The following TGIF1 variants were observed in gnomAD, a reference collection of about 807,000 sequenced individuals.
The protein encoded by TGIF1 is TGFB induced factor homeobox 1.
A neutral mutation model predicts 19.3 loss-of-function variants in TGIF1; 4 were observed. The observed-to-expected ratio is 0.21, with a 90% CI of 0.10 to 0.47. TGIF1 has a LOEUF of 0.47. TGIF1 is among the 20% of genes least tolerant of loss of function. The pLI is 0.98. For missense variants in TGIF1, 275 were observed against 341.4 expected, an observed-to-expected ratio of 0.81 and a Z score of 1.53; for synonymous variants, 122 against 129.3, an observed-to-expected ratio of 0.94 and a Z score of 0.38.
upstream of TGIF1, among the ~76,000 whole-genome samples, chr18:3,445,651 G>A (rs368533480): frequency 1.4e-5 from 2 of 143,452 alleles, no homozygotes; most frequent in South Asian, 2.3e-4. Flanking sequence ...GTGAACCCAG[G>A]AGGCAGAGCT....
At chr18:3,448,334 C>A (rs2082786591), upstream of TGIF1, 1 of 985,414 alleles carries the variant, frequency 1.0e-6, no homozygotes, top group Non-Finnish European at 1.2e-6. Context: ...CACAGACAAC[C>A]CTTCAAACGA....
intron 2 of TGIF1, among the ~76,000 whole-genome samples, chr18:3,428,795 A>G (rs1231127233): frequency 2.0e-5 from 3 of 152,082 alleles, no homozygotes; most frequent in Non-Finnish European, 4.4e-5. Flanking sequence ...AGATCCTAGC[A>G]CTTTGGGAGG....
intron 2 of TGIF1, among the ~76,000 whole-genome samples, chr18:3,441,807 ATATTC>A (rs1354790682): frequency 2.0e-5 from 3 of 152,336 alleles, no homozygotes; most frequent in Non-Finnish European, 2.9e-5. Flanking sequence ...AATCCCCATT[ATATTC>A]TAATCTGCCT....
chr18:3,450,944 T>C (rs1012294146), intron 1 of TGIF1, among the ~76,000 whole-genome samples: 1 of 151,980 alleles, frequency 6.6e-6, no homozygotes, highest in Non-Finnish European at 1.5e-5. Flanking sequence ...CGGCTTTGTC[T>C]GAAAGTTCCA....
chr18:3,435,764 T>C (rs956511728), intron 2 of TGIF1, among the ~76,000 whole-genome samples: 1 of 152,210 alleles, frequency 6.6e-6, no homozygotes, highest in African/African-American at 2.4e-5. Flanking sequence ...AAACTTTGCA[T>C]ATGCATTGAT....
chr18:3,449,983 AC>A (rs2082847293), upstream of TGIF1: 4 of 987,668 alleles, frequency 4.0e-6, no homozygotes, highest in Non-Finnish European at 4.8e-6. Context: ...GTGTTTCTGG[AC>A]CCGGCCACCC....
chr18:3,416,719 G>A (rs372958982), intron 1 of TGIF1, among the ~76,000 whole-genome samples: 6 of 152,148 alleles, frequency 3.9e-5, no homozygotes, highest in African/African-American at 1.4e-4. Flanking sequence ...ATAACCTGAG[G>A]TCAGGAGTTC....
intron 2 of TGIF1, among the ~76,000 whole-genome samples, chr18:3,430,414 T>G (rs1412666833): frequency 2.0e-5 from 3 of 152,226 alleles, no homozygotes; most frequent in African/African-American, 7.2e-5. Flanking sequence ...ATGTTACTTA[T>G]ATTAACGTGT....
chr18:3,419,169 A>G (rs2082369320), intron 2 of TGIF1, among the ~76,000 whole-genome samples: 1 of 152,250 alleles, frequency 6.6e-6, no homozygotes, highest in Admixed American at 6.5e-5. Flanking sequence ...AATTCATATA[A>G]GATTAAAGCA....
intron 2 of TGIF1, among the ~76,000 whole-genome samples, chr18:3,425,192 A>G (rs2082450786): frequency 6.6e-6 from 1 of 152,236 alleles, no homozygotes; most frequent in African/African-American, 2.4e-5. Context: ...TGCCTTTGCA[A>G]AATTATGACA....
In TGIF1 at chr18:3,426,564, T is replaced by TAA. The variant is rs200730311; in HGVS notation, c.-45+8350_-45+8351dup. On this transcript the variant is annotated intron_variant, in intron 2 of 3. Transcript: ENST00000401449. ...TAGCTGTACAGATAACCTATGGGCCTAATATATGTCTGTCTTCCATATTTG... is the reference window on the plus strand; with the variant it reads ...TAGCTGTACAGATAACCTATGGGCCTAAAATATATGTCTGTCTTCCATATTTG... Among the ~76,000 whole-genome samples, 434 of 152,270 alleles carry TAA rather than the reference T, an allele frequency of 2.9e-3. 10 individuals are homozygous for TAA. Among genetic ancestry groups the TAA allele is most frequent in the Admixed American group, 0.025 (388 of 15,284 alleles).
chr18:3,450,027 G>A, upstream of TGIF1: 4 of 992,910 alleles, frequency 4.0e-6, no homozygotes, highest in Non-Finnish European at 4.8e-6. Context: ...CGAGGGACGA[G>A]TGACAGCGGC....
intron 2 of TGIF1, among the ~76,000 whole-genome samples, chr18:3,423,755 T>C (rs990738870): frequency 1.3e-5 from 2 of 151,920 alleles, no homozygotes; most frequent in Non-Finnish European, 2.9e-5. Context: ...CTCGGGAGAC[T>C]AAGGCAGGAG....
upstream of TGIF1, among the ~76,000 whole-genome samples, chr18:3,447,216 C>T (rs2082759327): frequency 6.6e-6 from 1 of 151,874 alleles, no homozygotes; most frequent in African/African-American, 2.4e-5. Flanking sequence ...TGGTGAAAAA[C>T]GTTTATCAGT....
rs1167515319 is a variant in TGIF1 at position 3,450,235 on chromosome 18, A to T, written c.-255A>T. On this transcript the variant is annotated 5_prime_UTR_variant, in exon 1 of 3. Coordinates refer to ENST00000343820, the MANE Select transcript of TGIF1 (RefSeq NM_003244.4). Reference sequence around the variant, plus strand: ...AACAAAGGAGCGGAGAGGGGAGGGGAGAGAGTTGGGCGAGGGAGAGCCCCC... The same window carrying T: ...AACAAAGGAGCGGAGAGGGGAGGGGTGAGAGTTGGGCGAGGGAGAGCCCCC... 9 of 1,416,904 alleles carry T rather than the reference A, an allele frequency of 6.4e-6. No individual in the cohort carries two copies. The highest frequency in any genetic ancestry group is 8.3e-6 in the Non-Finnish European group (9 of 1,089,342). The allele number at this position is 1,416,904 out of a possible 1,614,324, so 87.8% of individuals were successfully genotyped here.
chr18:3,442,417 T>A lies in TGIF1; in HGVS notation c.-44-13937T>A, dbSNP rs908666032. ...AGTACTTAGTCCAATGATTTTTTTT[T>A]AAACAAATGGGGACACATTGCCTTC... On this transcript the variant is annotated intron_variant, in intron 2 of 3. Transcript: ENST00000401449. Among the ~76,000 whole-genome samples the A allele has an allele frequency of 1.2e-4, 18 of 152,202 alleles. No individual in the cohort carries two copies. In the South Asian group the frequency reaches 1.7e-3, roughly 14 times the overall value.
At chr18:3,435,295 C>T (rs2082601098) in intron 2 of TGIF1, among the ~76,000 whole-genome samples, 1 of 151,832 alleles carries the variant, frequency 6.6e-6, no homozygotes, top group Admixed American at 6.6e-5. Context: ...CAGGTTCAAG[C>T]GATTCTCCTT....
intron 2 of TGIF1, among the ~76,000 whole-genome samples, chr18:3,433,438 A>G (rs1356377247): frequency 6.6e-6 from 1 of 152,266 alleles, no homozygotes; most frequent in African/African-American, 2.4e-5. Flanking sequence ...AAAGTAATAC[A>G]ATTCTGATAT....
chr18:3,422,686 T>TCG (rs1319725703), intron 2 of TGIF1, among the ~76,000 whole-genome samples: 2 of 118,848 alleles, frequency 1.7e-5, no homozygotes, highest in East Asian at 4.8e-4. Context: ...TTTTTTTTTT[T>TCG]TTTTTTTTTT....
Sources: gnomAD v4.1 joint callset for allele counts (sites outside exome capture counted in the v4.1 genomes callset) on GRCh38, gnomAD v4.1.1 for gene constraint, MANE v1.5 for transcripts, NCBI Gene and HGNC (gene_info 2026-07-23, HGNC 2026-07-21) for gene names.